RBFOX2: variants seen among roughly 807,000 people sequenced by gnomAD.
RBFOX2 encodes RNA binding fox-1 homolog 2, also known as RNA binding protein fox-1 homolog 2.
RBFOX2 carries 10 observed loss-of-function variants against 49.1 expected under a neutral mutation model. That is an observed-to-expected ratio of 0.20 (90% CI 0.13 to 0.35). RBFOX2 has a LOEUF of 0.35. Among genes scored for constraint, RBFOX2 ranks in the 10% least tolerant of loss-of-function variants. RBFOX2 has a pLI of 1.00. For missense variants in RBFOX2, 323 were observed against 486.9 expected (o/e 0.66, Z 3.17); for synonymous variants, 183 against 187.4 (o/e 0.98, Z 0.19).
At chr22:36,028,608 G>C (rs981213687) in exon 1 of RBFOX2, among the ~76,000 whole-genome samples, 9 of 149,316 alleles carry the variant, frequency 6.0e-5, no homozygotes, top group East Asian at 2.0e-4. Context: ...CTCCTTGCCT[G>C]ACCGCTTGCT....
intron 1 of RBFOX2, among the ~76,000 whole-genome samples, chr22:35,922,842 T>G (rs1004842281): frequency 1.3e-5 from 2 of 152,138 alleles, no homozygotes; most frequent in Non-Finnish European, 2.9e-5. Flanking sequence ...CGTGCCAGAG[T>G]TCCTGAGTAG....
intron 1 of RBFOX2, among the ~76,000 whole-genome samples, chr22:35,918,040 G>C (rs1391379460): frequency 6.6e-6 from 1 of 152,224 alleles, no homozygotes; most frequent in Non-Finnish European, 1.5e-5. Flanking sequence ...TGTAAAACGG[G>C]GGTGATATGA....
At chr22:36,028,358 T>G in exon 1 of RBFOX2, 1 of 1,413,482 alleles carries the variant, frequency 7.1e-7, no homozygotes, top group South Asian at 1.5e-5. Flanking sequence ...CGACTCCCGC[T>G]TCATGCCCCG....
upstream of RBFOX2, among the ~76,000 whole-genome samples, chr22:35,843,644 G>A (rs150189273): frequency 9.9e-4 from 150 of 152,152 alleles, no homozygotes; most frequent in African/African-American, 3.5e-3. Flanking sequence ...AATGATACCA[G>A]TCTTTCTTAA....
intron 1 of RBFOX2, among the ~76,000 whole-genome samples, chr22:35,885,390 T>C (rs2046431118): frequency 2.0e-5 from 3 of 152,220 alleles, no homozygotes; most frequent in Non-Finnish European, 1.5e-5. Flanking sequence ...TTTATGTGAA[T>C]GTCAATTTAT....
chr22:35,946,846 A>C (rs2054327083), intron 1 of RBFOX2, among the ~76,000 whole-genome samples: 1 of 152,224 alleles, frequency 6.6e-6, no homozygotes, highest in South Asian at 2.1e-4. Context: ...AGGCCACATG[A>C]CAATACTTTG....
intron 1 of RBFOX2, among the ~76,000 whole-genome samples, chr22:35,857,496 C>T (rs1415296782): frequency 1.3e-5 from 2 of 152,160 alleles, no homozygotes; most frequent in African/African-American, 4.8e-5. Context: ...AATAACACTG[C>T]TAATACAGAC....
At chr22:36,013,736 G>A (rs1298063723) in intron 1 of RBFOX2, among the ~76,000 whole-genome samples, 3 of 152,052 alleles carry the variant, frequency 2.0e-5, no homozygotes, top group East Asian at 3.9e-4. Context: ...ATAGGAAATG[G>A]AGAAAAGCAA....
intron 1 of RBFOX2, among the ~76,000 whole-genome samples, chr22:35,868,721 G>A (rs2043986188): frequency 1.3e-5 from 2 of 152,192 alleles, no homozygotes; most frequent in Non-Finnish European, 1.5e-5. Context: ...AAACTGTGTT[G>A]CAAAATGTTG....
At chr22:35,767,773 G>A (rs1484908095) in intron 5 of RBFOX2, among the ~76,000 whole-genome samples, 2 of 152,128 alleles carry the variant, frequency 1.3e-5, no homozygotes. Context: ...TCTATTTCGT[G>A]CTTATCATGT....
chr22:35,830,972 C>T (rs1200456793), intron 1 of RBFOX2, among the ~76,000 whole-genome samples: 1 of 152,092 alleles, frequency 6.6e-6, no homozygotes, highest in African/African-American at 2.4e-5. Flanking sequence ...GCTAGAACCA[C>T]TCAAAACTGT....
At chr22:35,756,254 T>A in intron 9 of RBFOX2, 110 bp from the exon 11 acceptor site, 1 of 912,594 alleles carries the variant, frequency 1.1e-6, no homozygotes, top group South Asian at 3.9e-5. Flanking sequence ...GCAGGTGATG[T>A]ATGAATACAT....
At chr22:35,745,819 G>T in intron 11 of RBFOX2, 104 bp downstream of exon 13, 1 of 1,163,862 alleles carries the variant, frequency 8.6e-7, no homozygotes, top group Non-Finnish European at 1.3e-6. Context: ...TACCTTGATG[G>T]TGGATGAAAG....
At chr22:35,764,275 G>A (rs1035575970) in intron 6 of RBFOX2, among the ~76,000 whole-genome samples, 5 of 151,992 alleles carry the variant, frequency 3.3e-5, no homozygotes, top group Non-Finnish European at 1.5e-5. Flanking sequence ...CTCTAGCAGT[G>A]GGTTCAAACT....
chr22:35,993,668 T>C (rs2058069664), intron 1 of RBFOX2: 1 of 152,142 alleles, frequency 6.6e-6, no homozygotes, highest in South Asian at 2.1e-4. Context: ...TAGGGCTAAT[T>C]TGTTACACAG....
At chr22:35,958,748 T>C (rs563795244) in intron 1 of RBFOX2, among the ~76,000 whole-genome samples, 1 of 152,328 alleles carries the variant, frequency 6.6e-6, no homozygotes, top group East Asian at 1.9e-4. Context: ...TTTTTTTTCT[T>C]GATGCCAAGT....
At position 35,827,112 on chromosome 22, in the gene RBFOX2, T is replaced by C. The variant is rs574014165; in HGVS notation, c.27+13080A>G. 1.5e-4 allele frequency among the ~76,000 whole-genome samples: 23 copies of C among 152,336 alleles called. No homozygotes were observed. In the East Asian group the frequency reaches 2.1e-3, roughly 14 times the overall value. ...TATTTAGTTCTACAATGTGTTGCCA[T>C]TGAAATCTGTAGATAATCTGATTAT... On this transcript the variant is annotated intron_variant, in intron 1 of 11. Coordinates refer to ENST00000405409, the Ensembl canonical transcript of RBFOX2.
intron 1 of RBFOX2, among the ~76,000 whole-genome samples, chr22:35,971,933 A>C (rs960868239): frequency 4.6e-5 from 7 of 150,940 alleles, no homozygotes; most frequent in African/African-American, 1.7e-4. Flanking sequence ...AAAAAAAAAA[A>C]AAAAACACTC....
intron 1 of RBFOX2, chr22:35,961,470 C>G: frequency 7.9e-7 from 1 of 1,262,904 alleles, no homozygotes; most frequent in Non-Finnish European, 1.0e-6. Flanking sequence ...GACCTCTCTG[C>G]TTGAACTGGA....
Sources: allele counts gnomAD v4.1 joint callset (sites outside exome capture counted in the v4.1 genomes callset), GRCh38; gene constraint gnomAD v4.1.1; transcripts MANE v1.5; gene names NCBI Gene and HGNC (gene_info 2026-07-23, HGNC 2026-07-21).